The following GSK3B variants were observed in gnomAD, a reference collection of about 807,000 sequenced individuals.
GSK3B encodes the protein glycogen synthase kinase 3 beta.
GSK3B carries 15 observed loss-of-function variants against 56.4 expected under a neutral mutation model. The ratio of observed to expected loss-of-function variants is 0.27; its 90% CI spans 0.18 to 0.41. The LOEUF (loss-of-function observed/expected upper bound fraction) is 0.41. GSK3B is among the 10% of genes least tolerant of loss of function. The pLI is 1.00. For synonymous variants in GSK3B, 181 were observed against 188.9 expected (o/e 0.96, Z 0.34); for missense variants, 300 against 513.4 (o/e 0.58, Z 4.02).
In GSK3B at chr3:120,017,784, C is replaced by T. The variant is rs546323990; in HGVS notation, c.89-15545G>A. Among the ~76,000 whole-genome samples the T allele has an allele frequency of 4.6e-5, 7 of 152,316 alleles. No individual in the cohort carries two copies. The South Asian group carries it at 1.4e-3, about 32-fold the overall frequency. On this transcript the variant is annotated intron_variant, in intron 1 of 10. Transcript: ENST00000264235. ...GGGCAACACTTACAGTTATCACACA[C>T]TGGGGGCGTCCCATTTTATGACTAT...
At chr3:119,849,846 C>T (rs2055903290) in intron 9 of GSK3B, among the ~76,000 whole-genome samples, 1 of 152,094 alleles carries the variant, frequency 6.6e-6, no homozygotes. Flanking sequence ...GAGACAGTCT[C>T]ACTCTGTTGC....
intron 9 of GSK3B, among the ~76,000 whole-genome samples, chr3:119,850,289 G>A (rs1206961432): frequency 6.6e-6 from 1 of 152,130 alleles, no homozygotes; most frequent in African/African-American, 2.4e-5. Context: ...GAACCTAAAA[G>A]TTAAGAATTC....
chr3:119,860,217 A>G (rs975599758), intron 9 of GSK3B, among the ~76,000 whole-genome samples: 4 of 152,206 alleles, frequency 2.6e-5, no homozygotes, highest in African/African-American at 9.6e-5. Context: ...AGTTCATAAG[A>G]AAATACTGAT....
intron 8 of GSK3B, among the ~76,000 whole-genome samples, chr3:119,874,020 T>A (rs1246461226): frequency 1.3e-5 from 2 of 152,168 alleles, no homozygotes; most frequent in Non-Finnish European, 2.9e-5. Flanking sequence ...AGCATTAGTA[T>A]AAGATATAAA....
At chr3:119,898,613 A>C (rs894683755) in intron 7 of GSK3B, among the ~76,000 whole-genome samples, 2 of 152,154 alleles carry the variant, frequency 1.3e-5, no homozygotes, top group South Asian at 4.1e-4. Flanking sequence ...AAATTCCATG[A>C]ATAGAGGCTA....
Position 120,058,671 on chromosome 3 carries a change from A to T in GSK3B, c.88+34676T>A, listed in dbSNP as rs138971873. 5.9e-5 allele frequency among the ~76,000 whole-genome samples: 9 copies of T among 152,284 alleles called. No individual in the cohort carries two copies. In the East Asian group the frequency reaches 1.7e-3, roughly 29 times the overall value. On this transcript the variant is annotated intron_variant, in intron 1 of 10. Coordinates refer to ENST00000264235, the MANE Select transcript of GSK3B (RefSeq NM_001146156.2). ...CTCAATTTTCTTATTTGTAAAATAC[A>T]GGTAATAATGCTTCTCCCTCAGGAT...
At position 119,863,412 on chromosome 3, in the gene GSK3B, G is replaced by A. The variant is rs2056135345; in HGVS notation, c.1096+7C>T. On this transcript the variant is annotated splice_region_variant and intron_variant, in intron 9 of 10. Transcript: ENST00000264235. The stretch of plus-strand genomic sequence containing the variant: ...AACTGGTGAAGAGGCTAAGTGTTTG[G>A]AGTTACCTTGAGTGGTGAAGTTGAA... 6.2e-7 allele frequency: 1 copy of A among 1,609,192 alleles called. No homozygotes were observed. The highest frequency in any genetic ancestry group is 8.5e-7 in the Non-Finnish European group (1 of 1,175,574).
intron 1 of GSK3B, among the ~76,000 whole-genome samples, chr3:120,037,652 C>G (rs1272035425): frequency 1.4e-5 from 2 of 146,392 alleles, no homozygotes; most frequent in Admixed American, 6.8e-5. Context: ...CACTACAGCT[C>G]TTTTTTTTTT....
intron 9 of GSK3B, among the ~76,000 whole-genome samples, chr3:119,854,697 T>G (rs542144779): frequency 2.0e-5 from 3 of 152,366 alleles, no homozygotes; most frequent in South Asian, 2.1e-4. Context: ...ATTTTCTAGT[T>G]TATTTGCGTA....
intron 2 of GSK3B, among the ~76,000 whole-genome samples, chr3:119,992,838 G>C (rs989408068): frequency 2.0e-5 from 3 of 151,996 alleles, no homozygotes; most frequent in Admixed American, 2.0e-4. Context: ...ATGTTAAAGT[G>C]TACTCAAAAT....
intron 1 of GSK3B, among the ~76,000 whole-genome samples, chr3:120,054,664 C>A (rs1025658029): frequency 1.3e-5 from 2 of 152,088 alleles, no homozygotes; most frequent in African/African-American, 4.8e-5. Context: ...ACTAAAAATT[C>A]TCAAAGGATG....
In GSK3B at chr3:119,950,414, A is replaced by C. The variant is rs1272772435; in HGVS notation, c.283-3063T>G. The stretch of plus-strand genomic sequence containing the variant: ...AGGGAAGATGGTTACAGGGAACTGC[A>C]AATGTAAAAACTCAGTGGTGGGCTT... On this transcript the variant is annotated intron_variant, in intron 2 of 10. Coordinates refer to ENST00000264235, the MANE Select transcript of GSK3B (RefSeq NM_001146156.2). 6.6e-5 allele frequency among the ~76,000 whole-genome samples: 10 copies of C among 152,252 alleles called. No homozygotes were observed. In the East Asian group the frequency reaches 1.9e-3, roughly 29 times the overall value.
At chr3:120,015,569 G>A (rs1415096680) in intron 1 of GSK3B, among the ~76,000 whole-genome samples, 2 of 133,658 alleles carry the variant, frequency 1.5e-5, no homozygotes, top group Non-Finnish European at 3.1e-5. Context: ...AGAATCGCTT[G>A]AACCCAGGAG....
Position 119,923,387 on chromosome 3 carries a change from C to T in GSK3B, c.463G>A (p.Val155Met). 6.4e-7 allele frequency: 1 copy of T among 1,561,684 alleles called. No individual in the cohort carries two copies. The highest frequency in any genetic ancestry group is 8.8e-7 in the Non-Finnish European group (1 of 1,134,300). Residue 155 changes from valine to methionine, a missense_variant, in exon 4 of 11, where the codon GTG becomes ATG. By Grantham distance (21) the Val-to-Met change is conservative. Around this residue, in one of 6 missense-constraint regions of GSK3B, gnomAD observed 62 missense variants for 84.0 expected, o/e 0.74. Transcript: ENST00000264235. Reference sequence around the variant, plus strand: ...TTTTTACATACCTTGACATAAATCACAGGGAGCGTCTGTTTGGCTCGACTA... The same window carrying T: ...TTTTTACATACCTTGACATAAATCATAGGGAGCGTCTGTTTGGCTCGACTA... ...HYSRAKQTLP[V>M]IYVKLYMYQL...
chr3:119,879,523 A>G (rs1189981582), intron 7 of GSK3B, among the ~76,000 whole-genome samples: 1 of 151,930 alleles, frequency 6.6e-6, no homozygotes, highest in Non-Finnish European at 1.5e-5. Context: ...TCTTTTAGGT[A>G]TTTTTCGATA....
intron 2 of GSK3B, among the ~76,000 whole-genome samples, chr3:119,960,621 A>G (rs993156156): frequency 7.9e-5 from 12 of 152,216 alleles, no homozygotes; most frequent in African/African-American, 2.7e-4. Context: ...TTACAACTGC[A>G]TAAATATCTG....
chr3:119,887,472 A>G lies in GSK3B; in HGVS notation c.814-10964T>C, dbSNP rs190404895. Among the ~76,000 whole-genome samples the G allele has an allele frequency of 9.9e-5, 15 of 152,276 alleles. No individual in the cohort carries two copies. In the East Asian group the frequency reaches 2.9e-3, roughly 29 times the overall value. ...GAAGATATAAAAAAGAACCAAATGG[A>G]AATTGTACAGTTAAAAAATACAGTA... On this transcript the variant is annotated intron_variant, in intron 7 of 10. Coordinates refer to ENST00000264235, the MANE Select transcript of GSK3B (RefSeq NM_001146156.2).
intron 7 of GSK3B, among the ~76,000 whole-genome samples, chr3:119,899,550 G>A (rs552017148): frequency 1.3e-5 from 2 of 152,242 alleles, no homozygotes; most frequent in East Asian, 1.9e-4. Flanking sequence ...ACTCTGAGGA[G>A]CCAGGGATCC....
At chr3:119,917,757 CTTCA>C (rs1247818440) in intron 4 of GSK3B, among the ~76,000 whole-genome samples, 9 of 150,308 alleles carry the variant, frequency 6.0e-5, no homozygotes, top group Admixed American at 6.0e-4. Context: ...TCTACTCTAT[CTTCA>C]TTGTTTTGAA....
Sources: gnomAD v4.1 joint callset for allele counts (sites outside exome capture counted in the v4.1 genomes callset) on GRCh38, gnomAD v4.1.1 for gene constraint, gnomAD v4.1.1 regional missense constraint, MANE v1.5 for transcripts, NCBI Gene and HGNC (gene_info 2026-07-23, HGNC 2026-07-21) for gene names.